The following DENND1A variants were observed in gnomAD, a reference collection of about 807,000 sequenced individuals.
The protein encoded by DENND1A is DENN domain-containing protein 1A.
A neutral mutation model predicts 113.7 loss-of-function variants in DENND1A; 51 were observed. The ratio of observed to expected loss-of-function variants is 0.45; its 90% CI spans 0.36 to 0.57. DENND1A has a LOEUF of 0.57. Ranked by LOEUF, DENND1A falls within the 20% of genes least tolerant of loss-of-function variation. The pLI is 0.00. For synonymous variants in DENND1A, 565 were observed against 570.8 expected, an observed-to-expected ratio of 0.99 and a Z score of 0.14; for missense variants, 1,258 against 1,395.9, an observed-to-expected ratio of 0.90 and a Z score of 1.57.
At chr9:123,673,800 A>G (rs773142050) in intron 6 of DENND1A, among the ~76,000 whole-genome samples, 10 of 152,148 alleles carry the variant, frequency 6.6e-5, no homozygotes, top group Non-Finnish European at 1.0e-4. Context: ...TTCTCCCTCT[A>G]CATATCTGTG....
intron 13 of DENND1A, among the ~76,000 whole-genome samples, chr9:123,536,676 A>G (rs1257684088): frequency 6.6e-6 from 1 of 152,098 alleles, no homozygotes; most frequent in Admixed American, 6.6e-5. Context: ...GAGAAAATGC[A>G]TGAGGACCTC....
At chr9:123,551,330 C>T (rs1015684960) in intron 13 of DENND1A, among the ~76,000 whole-genome samples, 10 of 152,240 alleles carry the variant, frequency 6.6e-5, no homozygotes, top group Admixed American at 6.5e-4. Flanking sequence ...TCCCTATTCC[C>T]TAATTTCCTT....
At chr9:123,513,761 A>G (rs1473066582) in intron 13 of DENND1A, among the ~76,000 whole-genome samples, 3 of 152,238 alleles carry the variant, frequency 2.0e-5, no homozygotes, top group African/African-American at 7.2e-5. Context: ...GGGCTGGTCA[A>G]TCCAGATGGA....
At chr9:123,889,148 G>A (rs1265145261) in intron 1 of DENND1A, among the ~76,000 whole-genome samples, 3 of 152,052 alleles carry the variant, frequency 2.0e-5, no homozygotes, top group Non-Finnish European at 2.9e-5. Context: ...ATGACATGTG[G>A]TTCTATGGAA....
intron 16 of DENND1A, among the ~76,000 whole-genome samples, chr9:123,452,830 C>T (rs568454434): frequency 6.6e-6 from 1 of 152,296 alleles, no homozygotes; most frequent in East Asian, 1.9e-4. Context: ...CCTCACCGTG[C>T]AACTTCCTTT....
chr9:123,817,818 G>A (rs1418980367), intron 2 of DENND1A, among the ~76,000 whole-genome samples: 1 of 152,112 alleles, frequency 6.6e-6, no homozygotes, highest in Non-Finnish European at 1.5e-5. Context: ...CCTGAGGTCA[G>A]GAATTCGAGA....
intron 9 of DENND1A, among the ~76,000 whole-genome samples, chr9:123,651,076 T>C (rs1347367711): frequency 1.3e-5 from 2 of 151,996 alleles, no homozygotes; most frequent in African/African-American, 4.8e-5. Flanking sequence ...GGCTTAAGAA[T>C]TTTCATAAAA....
chr9:123,679,574 C>A (rs1307431311), intron 5 of DENND1A, among the ~76,000 whole-genome samples: 1 of 152,230 alleles, frequency 6.6e-6, no homozygotes, highest in African/African-American at 2.4e-5. Flanking sequence ...AGATGAATAT[C>A]TAGTGATGGC....
At chr9:123,525,595 T>C (rs1055206764) in intron 13 of DENND1A, among the ~76,000 whole-genome samples, 1 of 152,102 alleles carries the variant, frequency 6.6e-6, no homozygotes, top group African/African-American at 2.4e-5. Context: ...ACTATGACCC[T>C]GCTCTACAGG....
chr9:123,695,813 ACAGAGG>A (rs1218233412), intron 5 of DENND1A, among the ~76,000 whole-genome samples: 1 of 152,244 alleles, frequency 6.6e-6, no homozygotes, highest in African/African-American at 2.4e-5. Flanking sequence ...TTCAGCTCTA[ACAGAGG>A]CAGTTAATAA....
At chr9:123,634,347 G>A (rs888413553) in intron 9 of DENND1A, among the ~76,000 whole-genome samples, 48 of 152,214 alleles carry the variant, frequency 3.2e-4, no homozygotes, top group African/African-American at 1.1e-3. Context: ...CAAACAAAAC[G>A]GAATTATTTG....
chr9:123,685,141 A>G (rs560970218), intron 5 of DENND1A, among the ~76,000 whole-genome samples: 1 of 152,334 alleles, frequency 6.6e-6, no homozygotes, highest in East Asian at 1.9e-4. Context: ...GCTGAAACAT[A>G]TGTAAATGCA....
At position 123,381,388 on chromosome 9, in the gene DENND1A, C is replaced by T. The variant is rs377148532; in HGVS notation, c.*44G>A. 1.7e-4 allele frequency: 263 copies of T among 1,572,690 alleles called. No individual in the cohort carries two copies. Among genetic ancestry groups the T allele is most frequent in the Non-Finnish European group, 2.0e-4 (232 of 1,154,806 alleles). ...GGAGCCTCGGAACCGCAGCAGTGGA[C>T]GGACCCTCGGGCCTCGGTGCATCCC... On this transcript the variant is annotated 3_prime_UTR_variant, in exon 24 of 24. Coordinates refer to ENST00000394215, the MANE Select transcript of DENND1A (RefSeq NM_001352964.2). This position sits in a 1 kb window ranked among gnomAD's most constrained non-coding sequence, Gnocchi z 4.7.
At chr9:123,628,199 G>C (rs1237918598) in intron 10 of DENND1A, among the ~76,000 whole-genome samples, 1 of 151,814 alleles carries the variant, frequency 6.6e-6, no homozygotes, top group Non-Finnish European at 1.5e-5. Flanking sequence ...TGGGAATAAG[G>C]GGAGGCCAGT....
intron 2 of DENND1A, among the ~76,000 whole-genome samples, chr9:123,797,731 C>A (rs2132153577): frequency 6.6e-6 from 1 of 152,044 alleles, no homozygotes; most frequent in African/African-American, 2.4e-5. Context: ...TTACTTGTTA[C>A]AAATAATATA....
At chr9:123,887,841 T>C (rs1185848115) in intron 1 of DENND1A, among the ~76,000 whole-genome samples, 1 of 152,188 alleles carries the variant, frequency 6.6e-6, no homozygotes, top group African/African-American at 2.4e-5. Context: ...GAAGGCTGGT[T>C]TCTTACAGTT....
chr9:123,511,646 T>C (rs1301545522), intron 13 of DENND1A, among the ~76,000 whole-genome samples: 1 of 152,204 alleles, frequency 6.6e-6, no homozygotes, highest in Non-Finnish European at 1.5e-5. Flanking sequence ...ATCTCATATT[T>C]CCACTACTCA....
intron 2 of DENND1A, among the ~76,000 whole-genome samples, chr9:123,867,319 ACT>A (rs1421021570): frequency 1.3e-5 from 2 of 152,106 alleles, no homozygotes; most frequent in African/African-American, 4.8e-5. Context: ...TGAACGTTCC[ACT>A]CTCTACAGAG....
chr9:123,913,717 C>T (rs148190167), intron 1 of DENND1A, among the ~76,000 whole-genome samples: 13 of 151,808 alleles, frequency 8.6e-5, no homozygotes, highest in African/African-American at 2.9e-4. Flanking sequence ...ACTAGCCTGA[C>T]CAACATAGAG....
Sources: gnomAD v4.1 joint callset for allele counts (sites outside exome capture counted in the v4.1 genomes callset) on GRCh38, gnomAD v4.1.1 for gene constraint, Gnocchi (gnomAD v3.1) non-coding constraint, MANE v1.5 for transcripts, NCBI Gene and HGNC (gene_info 2026-07-23, HGNC 2026-07-21) for gene names.